The following MAGI2 variants were observed in gnomAD, a reference collection of about 807,000 sequenced individuals.
The protein encoded by MAGI2 is membrane associated guanylate kinase, WW and PDZ domain containing 2.
MAGI2 carries 35 observed loss-of-function variants against 133.3 expected under a neutral mutation model. The observed-to-expected ratio is 0.26, with a 90% CI of 0.20 to 0.35. The LOEUF (loss-of-function observed/expected upper bound fraction) is 0.35. MAGI2 is among the 10% of genes least tolerant of loss of function. The pLI, the probability that MAGI2 is intolerant of heterozygous loss-of-function variation, is 1.00. For synonymous variants in MAGI2, 729 were observed against 710.6 expected, an observed-to-expected ratio of 1.03 and a Z score of -0.41; for missense variants, 1,636 against 1,863.4, an observed-to-expected ratio of 0.88 and a Z score of 2.25.
chr7:78,334,523 G>C (rs375280775), intron 9 of MAGI2, among the ~76,000 whole-genome samples: 2 of 152,264 alleles, frequency 1.3e-5, no homozygotes, highest in South Asian at 2.1e-4. Context: ...GGTTTTTTCT[G>C]TTGGATAGAA....
At chr7:78,128,012 C>G (rs1173364440) in intron 18 of MAGI2, among the ~76,000 whole-genome samples, 2 of 152,030 alleles carry the variant, frequency 1.3e-5, no homozygotes, top group Admixed American at 1.3e-4. Context: ...AACCAAGTGG[C>G]AAGTCATTGG....
At chr7:78,231,298 C>T (rs1789942531) in intron 10 of MAGI2, among the ~76,000 whole-genome samples, 1 of 152,156 alleles carries the variant, frequency 6.6e-6, no homozygotes, top group South Asian at 2.1e-4. Context: ...GAGAAAGGGT[C>T]AGAGTATTCC....
chr7:78,482,362 C>T (rs150723924), intron 6 of MAGI2, among the ~76,000 whole-genome samples: 60 of 151,950 alleles, frequency 3.9e-4, no homozygotes, highest in African/African-American at 1.4e-3. Context: ...AAAACTGAAA[C>T]GCACTTAGTA....
intron 1 of MAGI2, among the ~76,000 whole-genome samples, chr7:79,384,849 T>C (rs1165951413): frequency 2.6e-5 from 4 of 151,686 alleles, no homozygotes; most frequent in Non-Finnish European, 5.9e-5. Context: ...AACTTCAAAG[T>C]TGGAGGAACA....
chr7:78,795,575 G>A (rs1787536100), intron 2 of MAGI2, among the ~76,000 whole-genome samples: 1 of 152,052 alleles, frequency 6.6e-6, no homozygotes, highest in Non-Finnish European at 1.5e-5. Flanking sequence ...GATATTCCAT[G>A]CTCATGGATT....
At chr7:78,512,634 G>A (rs1431982780) in intron 4 of MAGI2, among the ~76,000 whole-genome samples, 1 of 152,098 alleles carries the variant, frequency 6.6e-6, no homozygotes, top group Non-Finnish European at 1.5e-5. Context: ...TTGAATTCCT[G>A]ACCTTGTGAT....
At chr7:79,136,617 T>C (rs1821603240) in intron 1 of MAGI2, among the ~76,000 whole-genome samples, 1 of 152,232 alleles carries the variant, frequency 6.6e-6, no homozygotes, top group African/African-American at 2.4e-5. Flanking sequence ...ATATTACCTC[T>C]TCTAGGATAC....
intron 3 of MAGI2, among the ~76,000 whole-genome samples, chr7:78,551,062 C>T (rs1389258829): frequency 2.0e-5 from 3 of 152,068 alleles, no homozygotes; most frequent in Non-Finnish European, 4.4e-5. Flanking sequence ...AGTTCAGATA[C>T]CAGTCAAAAT....
intron 2 of MAGI2, among the ~76,000 whole-genome samples, chr7:78,837,203 C>T (rs1258648001): frequency 1.3e-5 from 2 of 152,090 alleles, no homozygotes; most frequent in Non-Finnish European, 2.9e-5. Context: ...CCTCAGCCGC[C>T]CAAGTGCCAA....
chr7:78,255,173 T>C (rs998814944), intron 10 of MAGI2: 18 of 152,488 alleles, frequency 1.2e-4, no homozygotes, highest in Admixed American at 1.0e-3. Flanking sequence ...GGCCCTGTGC[T>C]TTACCCCATT....
At chr7:78,958,610 G>C (rs1366244511) in intron 2 of MAGI2, among the ~76,000 whole-genome samples, 1 of 152,074 alleles carries the variant, frequency 6.6e-6, no homozygotes, top group African/African-American at 2.4e-5. Context: ...TAGCTAGCCA[G>C]GGATTGTGCT....
intron 1 of MAGI2, among the ~76,000 whole-genome samples, chr7:79,294,901 T>C (rs1434954959): frequency 6.6e-6 from 1 of 151,192 alleles, no homozygotes; most frequent in Non-Finnish European, 1.5e-5. Context: ...GGCTAAATTT[T>C]TGTACTTTTT....
intron 9 of MAGI2, among the ~76,000 whole-genome samples, chr7:78,334,627 G>A (rs1348158649): frequency 2.0e-4 from 31 of 152,176 alleles, no homozygotes; most frequent in Non-Finnish European, 2.9e-5. Context: ...GGGAGAGGGG[G>A]AGGTTAGGAT....
At chr7:78,722,219 T>A (rs1820337688) in intron 2 of MAGI2, among the ~76,000 whole-genome samples, 1 of 151,780 alleles carries the variant, frequency 6.6e-6, no homozygotes, top group Non-Finnish European at 1.5e-5. Flanking sequence ...ATAGCAGTAA[T>A]AATATGGGAA....
chr7:78,355,051 G>T (rs929723657), intron 7 of MAGI2, among the ~76,000 whole-genome samples: 1 of 152,166 alleles, frequency 6.6e-6, no homozygotes. Context: ...ATTGGGGATA[G>T]GTATTGTGAC....
At chr7:78,732,097 T>C (rs1821420491) in intron 2 of MAGI2, among the ~76,000 whole-genome samples, 2 of 152,164 alleles carry the variant, frequency 1.3e-5, no homozygotes, top group Admixed American at 1.3e-4. Context: ...CAATAAAATC[T>C]TGAAGGTATT....
At chr7:79,413,546 G>A (rs1846282465) in intron 1 of MAGI2, 1 of 152,178 alleles carries the variant, frequency 6.6e-6, no homozygotes, top group African/African-American at 2.4e-5. Flanking sequence ...ACTGACTGCT[G>A]GGGACCCACC....
chr7:79,134,230 A>C (rs1178362823), intron 1 of MAGI2, among the ~76,000 whole-genome samples: 1 of 152,198 alleles, frequency 6.6e-6, no homozygotes, highest in Non-Finnish European at 1.5e-5. Context: ...TGAACTGAAG[A>C]TATAGTGGAA....
chr7:78,807,244 T>A (rs1788653017), intron 2 of MAGI2, among the ~76,000 whole-genome samples: 1 of 152,104 alleles, frequency 6.6e-6, no homozygotes. Context: ...TAGCTATTGA[T>A]ATTTATAGTA....
Sources: gnomAD v4.1 joint callset for allele counts (sites outside exome capture counted in the v4.1 genomes callset) on GRCh38, gnomAD v4.1.1 for gene constraint, MANE v1.5 for transcripts, NCBI Gene and HGNC (gene_info 2026-07-23, HGNC 2026-07-21) for gene names.